The following KNCN variants were observed in gnomAD, a reference collection of about 807,000 sequenced individuals.
KNCN encodes the protein kinocilin.
KNCN carries 11 observed loss-of-function variants against 10.4 expected under a neutral mutation model. The observed-to-expected ratio is 1.06, with a 90% CI of 0.67 to 1.75. The LOEUF (loss-of-function observed/expected upper bound fraction) is 1.75, where lower values mean the gene tolerates loss of function less well. Among genes scored for constraint, KNCN ranks in the 40% most tolerant of loss-of-function variants. The pLI is 0.00. For synonymous variants in KNCN, 67 were observed against 71.6 expected, an observed-to-expected ratio of 0.94 and a Z score of 0.33; for missense variants, 172 against 167.1, an observed-to-expected ratio of 1.03 and a Z score of -0.16.
rs895588443 is a variant in KNCN at position 46,545,771 on chromosome 1, G to A, written c.*1959C>T. 6.6e-6 allele frequency: 1 copy of A among 152,270 alleles called. No individual in the cohort carries two copies. The highest frequency in any genetic ancestry group is 1.5e-5 in the Non-Finnish European group (1 of 68,156). The allele number at this position is 152,270 out of a possible 1,614,324, so 9.4% of individuals were successfully genotyped here. ...CTGAGAGGGGTTGATGGGCAGGGGG[G>A]AGGGAACCACACTCTCCACAGCTCA... On this transcript the variant is annotated 3_prime_UTR_variant, in exon 4 of 4. Transcript: ENST00000481882.
At position 46,551,124 on chromosome 1, in the gene KNCN, A is replaced by C. The variant is rs374921676; in HGVS notation, c.92T>G (p.Ile31Ser). 1.6e-5 allele frequency: 25 copies of C among 1,611,140 alleles called. No homozygotes were observed. The highest frequency in any genetic ancestry group is 1.8e-5 in the Non-Finnish European group (21 of 1,178,654). ...GGCAGCTGCAGCCTTGGATACGGAG[A>C]TGCCGATAATGATGCTGCCAGCCAC... Reference protein sequence around the residue: ...GLVAGSIIIGISVSKAAAAMG... With the variant: ...GLVAGSIIIGSSVSKAAAAMG... Residue 31 changes from isoleucine (I) to serine (S), a missense_variant, in exon 1 of 4, where the codon ATC becomes AGC. Ile to Ser is a moderately radical substitution (Grantham distance 142). Coordinates refer to ENST00000481882, the MANE Select transcript of KNCN (RefSeq NM_001322255.2). This position sits in a 1 kb window ranked among gnomAD's most constrained non-coding sequence, Gnocchi z 4.0.
rs757222588 is a variant in KNCN at position 46,547,764 on chromosome 1, A to G, written c.341T>C (p.Leu114Pro). The change falls in exon 4 of 4, where the codon CTG becomes CCG. Residue 114 changes from leucine (L) to proline (P), a missense_variant. Physicochemically the swap from Leu to Pro is moderately conservative, Grantham distance 98. Transcript: ENST00000481882. Reference sequence around the variant, plus strand: ...CTCAGCCCCCCGGGTCCCCGGCTTCAGCTTCTCCAGGGTCCTGCTCACGGT... The same window carrying G: ...CTCAGCCCCCCGGGTCCCCGGCTTCGGCTTCTCCAGGGTCCTGCTCACGGT... ...LSTVSRTLEK[L>P]KPGTRGAEEC 8 of 1,479,246 alleles carry G rather than the reference A, an allele frequency of 5.4e-6. No homozygotes were observed. The highest frequency in any genetic ancestry group is 2.1e-4 in the Middle Eastern group (1 of 4,660). The allele number at this position is 1,479,246 out of a possible 1,614,324, so 91.6% of individuals were successfully genotyped here.
Position 46,547,030 on chromosome 1 carries a change from A to G in KNCN, c.*700T>C, listed in dbSNP as rs942079. On this transcript the variant is annotated 3_prime_UTR_variant, in exon 4 of 4. Transcript: ENST00000481882. ...GGGAGGAAGAGAGAAGTCAGATCACAAAAAGCCTTGAGTGGTGGAGTTAAG... is the reference window on the plus strand; with the variant it reads ...GGGAGGAAGAGAGAAGTCAGATCACGAAAAGCCTTGAGTGGTGGAGTTAAG... The G allele has an allele frequency of 0.97, 199,684 of 204,870 alleles. 97,660 individuals are homozygous for G. Among genetic ancestry groups the G allele is most frequent in the Non-Finnish European group, 1 (97,917 of 98,302 alleles). The allele number at this position is 204,870 out of a possible 1,614,324, so 12.7% of individuals were successfully genotyped here. A position where few individuals can be genotyped will look rare whatever the true frequency, so the allele number is the denominator to read the frequency against.
intron 3 of KNCN, among the ~76,000 whole-genome samples, chr1:46,548,525 G>C (rs1666993665): frequency 6.6e-6 from 1 of 152,132 alleles, no homozygotes; most frequent in Non-Finnish European, 1.5e-5. Context: ...ACCCCAGCTT[G>C]GGTCCCTTTG....
At position 46,549,932 on chromosome 1, in the gene KNCN, A is replaced by G; in HGVS notation, c.220+2T>C. On this transcript the variant is annotated splice_donor_variant, in intron 2 of 3. Transcript: ENST00000481882. LOFTEE classifies it high-confidence loss of function. Reference sequence around the variant, plus strand: ...TCTGCTGGGGTCAGGGAGAGGCCTCACCTATGGTAGGCAGGATGTGGTCCA... The same window carrying G: ...TCTGCTGGGGTCAGGGAGAGGCCTCGCCTATGGTAGGCAGGATGTGGTCCA... 2 of 1,550,526 alleles carry G rather than the reference A, an allele frequency of 1.3e-6. No individual in the cohort carries two copies. The highest frequency in any genetic ancestry group is 2.4e-5 in the South Asian group (2 of 84,054).
At chr1:46,549,810 A>G (rs1667028038) in intron 2 of KNCN, 124 bp downstream of exon 2, 3 of 1,512,596 alleles carry the variant, frequency 2.0e-6, no homozygotes, top group Middle Eastern at 1.7e-4. Flanking sequence ...GCTCTAACAC[A>G]GACAGCTAGC....
At chr1:46,547,892 C>T in intron 3 of KNCN, 83 bp from the exon 4 acceptor site, 1 of 1,074,662 alleles carries the variant, frequency 9.3e-7, no homozygotes, top group Non-Finnish European at 1.3e-6. Flanking sequence ...TCAGAGGGAC[C>T]CAAGGCCGGG....
At chr1:46,549,116 G>A in intron 3 of KNCN, 77 bp downstream of exon 3, 2 of 1,154,724 alleles carry the variant, frequency 1.7e-6, no homozygotes, top group South Asian at 2.9e-5. Flanking sequence ...ACTCCAGCCT[G>A]GGCAACACGA....
rs1346045807 is a variant in KNCN, at chr1:46,547,794, A to G, written c.311T>C (p.Leu104Pro). Reference sequence around the variant, plus strand: ...CTCCAGGGTCCTGCTCACGGTGGACAGGCTGCTGCGGGCTCCTGGGGGAGA... The same window carrying G: ...CTCCAGGGTCCTGCTCACGGTGGACGGGCTGCTGCGGGCTCCTGGGGGAGA... ...NGNKEGARSS[L>P]STVSRTLEKL... The change falls in exon 4 of 4, where the codon CTG (leucine) becomes CCG (proline). Residue 104 changes from leucine (L) to proline (P), a missense_variant. By Grantham distance (98) the Leu-to-Pro change is moderately conservative. Coordinates refer to ENST00000481882, the MANE Select transcript of KNCN (RefSeq NM_001322255.2). 4 of 1,460,514 alleles carry G rather than the reference A, an allele frequency of 2.7e-6. No homozygotes were observed. The highest frequency in any genetic ancestry group is 2.8e-5 in the Admixed American group (1 of 35,976). 90.5% of individuals were successfully genotyped at this position (1,460,514 alleles called of 1,614,324 possible). A position where few individuals can be genotyped will look rare whatever the true frequency, so the allele number is the denominator to read the frequency against.
At chr1:46,547,892 C>G in intron 3 of KNCN, 83 bp from the exon 4 acceptor site, 1 of 1,074,662 alleles carries the variant, frequency 9.3e-7, no homozygotes, top group Non-Finnish European at 1.3e-6. Flanking sequence ...TCAGAGGGAC[C>G]CAAGGCCGGG....
intron 2 of KNCN, chr1:46,549,656 A>G (rs2148509073): frequency 1.8e-6 from 1 of 570,440 alleles, no homozygotes; most frequent in Non-Finnish European, 3.1e-6. Flanking sequence ...TTATTTAGAG[A>G]TGTTGGAGGC....
At position 46,549,991 on chromosome 1, in the gene KNCN, A is replaced by G; in HGVS notation, c.163T>C (p.Leu55=). The change falls in exon 2 of 4, where the codon TTG becomes CTG. Residue 55 remains leucine, a synonymous_variant. Transcript: ENST00000481882. The part of the protein sequence containing the change: ...IGAAVLGLLI[L]AYPFLKARFN... The stretch of plus-strand genomic sequence containing the variant: ...CGAGCCTTCAGGAAGGGGTAGGCCA[A>G]GATGAGGAGCCCTGAGAAGAGACAC... 1 of 1,550,678 alleles carries G rather than the reference A, an allele frequency of 6.4e-7. No homozygotes were observed. Among genetic ancestry groups the G allele is most frequent in the Non-Finnish European group, 8.7e-7 (1 of 1,146,982 alleles).
intron 1 of KNCN, among the ~76,000 whole-genome samples, chr1:46,550,684 T>C (rs994718438): frequency 2.0e-5 from 3 of 152,112 alleles, no homozygotes; most frequent in Non-Finnish European, 4.4e-5. Context: ...AGCTGGAGCC[T>C]GTCTTGGCTC....
chr1:46,547,653 TA>T lies in KNCN; in HGVS notation c.*76del. The T allele has an allele frequency of 8.5e-7, 1 of 1,183,276 alleles. No individual in the cohort carries two copies. Among genetic ancestry groups the T allele is most frequent in the Non-Finnish European group, 1.2e-6 (1 of 811,622 alleles). 73.3% of individuals were successfully genotyped at this position (1,183,276 alleles called of 1,614,324 possible). The stretch of plus-strand genomic sequence containing the variant: ...TGGCTTGTCTCCGGTCCGGGTCTCC[TA>T]ACCCAGGAGGGCACTGACATAGGGG... On this transcript the variant is annotated 3_prime_UTR_variant, in exon 4 of 4. Coordinates refer to ENST00000481882, the MANE Select transcript of KNCN (RefSeq NM_001322255.2).
intron 3 of KNCN, 150 bp downstream of exon 3, chr1:46,549,043 A>G: frequency 1.7e-6 from 1 of 599,218 alleles, no homozygotes; most frequent in Non-Finnish European, 2.9e-6. Flanking sequence ...CGGGAGGCTG[A>G]GGCAGGAGAA....
chr1:46,551,241 C>T lies in KNCN; in HGVS notation c.-26G>A, dbSNP rs754261241. ...GCAGGCCCACCCGGGGCACTGCCTC[C>T]AGCCGGTGCAGTCTGGCCCCAGAAA... On this transcript the variant is annotated 5_prime_UTR_variant, in exon 1 of 4. Transcript: ENST00000481882. This position sits in a 1 kb window ranked among gnomAD's most constrained non-coding sequence, Gnocchi z 4.0. 6 of 1,594,902 alleles carry T rather than the reference C, an allele frequency of 3.8e-6. No homozygotes were observed. The South Asian group carries it at 6.8e-5, about 18-fold the overall frequency.
In KNCN at chr1:46,547,596, C is replaced by A. The variant is rs747930101; in HGVS notation, c.*134G>T. 2.1e-5 allele frequency: 16 copies of A among 753,262 alleles called. No homozygotes were observed. In the African/African-American group the frequency reaches 2.6e-4, roughly 12 times the overall value. 46.7% of individuals were successfully genotyped at this position (753,262 alleles called of 1,614,324 possible). On this transcript the variant is annotated 3_prime_UTR_variant, in exon 4 of 4. Transcript: ENST00000481882. Reference sequence around the variant, plus strand: ...AGTGCAAAAGGCCCCATTCCAGACACTGTTCCCAGCCGCTCTGGGGTCTGC... The same window carrying A: ...AGTGCAAAAGGCCCCATTCCAGACAATGTTCCCAGCCGCTCTGGGGTCTGC...
intron 1 of KNCN, among the ~76,000 whole-genome samples, chr1:46,550,428 C>T (rs1039203504): frequency 6.6e-6 from 1 of 152,122 alleles, no homozygotes; most frequent in African/African-American, 2.4e-5. Context: ...CTTGCCCGCC[C>T]CCGCTCCATC....
intron 2 of KNCN, chr1:46,549,704 TC>T: frequency 1.5e-6 from 1 of 679,188 alleles, no homozygotes; most frequent in Non-Finnish European, 2.4e-6. Flanking sequence ...GAGATGAACT[TC>T]CCAGCTCTGA....
Sources: allele counts gnomAD v4.1 joint callset (sites outside exome capture counted in the v4.1 genomes callset), GRCh38; gene constraint gnomAD v4.1.1; non-coding constraint Gnocchi (gnomAD v3.1); transcripts MANE v1.5; gene names NCBI Gene and HGNC (gene_info 2026-07-23, HGNC 2026-07-21).